The following GNAS variants were observed in gnomAD, a reference collection of about 807,000 sequenced individuals.
GNAS encodes the protein protein ALEX.
GNAS carries 8 observed loss-of-function variants against 54.5 expected under a neutral mutation model. The ratio of observed to expected loss-of-function variants is 0.15; its 90% CI spans 0.09 to 0.26. The LOEUF (loss-of-function observed/expected upper bound fraction) is 0.26, where lower values mean the gene tolerates loss of function less well. Among genes scored for constraint, GNAS ranks in the 10% least tolerant of loss-of-function variants. The probability of loss-of-function intolerance (pLI) is 1.00; values close to 1 mark genes in which losing one functional copy is unlikely to be tolerated. For missense variants in GNAS, 170 were observed against 529.8 expected (o/e 0.32, Z 6.67); for synonymous variants, 204 against 191.4 (o/e 1.07, Z -0.54).
At chr20:58,878,563 G>A (rs905301599) in intron 1 of GNAS, among the ~76,000 whole-genome samples, 1 of 152,160 alleles carries the variant, frequency 6.6e-6, no homozygotes, top group Non-Finnish European at 1.5e-5. Flanking sequence ...CAGTACTGCA[G>A]GGATAGAGAT....
In GNAS at chr20:58,911,049, CAA is replaced by C. The variant is rs1432838563; in HGVS notation, c.*223_*224del. The C allele has an allele frequency of 3.0e-6, 2 of 675,052 alleles. No homozygotes were observed. Among genetic ancestry groups the C allele is most frequent in the Non-Finnish European group, 5.4e-6 (2 of 370,130 alleles). 41.8% of individuals were successfully genotyped at this position (675,052 alleles called of 1,614,324 possible). On this transcript the variant is annotated 3_prime_UTR_variant, in exon 13 of 13. Coordinates refer to ENST00000371085, the MANE Select transcript of GNAS (RefSeq NM_000516.7). ...CCTACAGAAAAAGGAAAAAAGGCCACAAAAGTTCCCTCTCACTTTCAGTAAAA... is the reference window on the plus strand; with the variant it reads ...CCTACAGAAAAAGGAAAAAAGGCCACAAGTTCCCTCTCACTTTCAGTAAAA...
Position 58,841,226 on chromosome 20 carries a change from G to C in GNAS, c.43+340G>C, listed in dbSNP as rs1438923844. ...CTGCACACCCAAACGGCATTGGTAA[G>C]TCACTTGTTTTGCGCGCTTTTCTTC... On this transcript the variant is annotated intron_variant, in intron 1 of 12. Coordinates refer to the GNAS transcript ENST00000306090. This position sits in a 1 kb window ranked among gnomAD's most constrained non-coding sequence, Gnocchi z 5.0. 2.6e-6 allele frequency: 2 copies of C among 765,770 alleles called. No individual in the cohort carries two copies. Among genetic ancestry groups the C allele is most frequent in the Non-Finnish European group, 3.4e-6 (2 of 580,574 alleles). The allele number at this position is 765,770 out of a possible 1,614,324, so 47.4% of individuals were successfully genotyped here. A position where few individuals can be genotyped will look rare whatever the true frequency, so the allele number is the denominator to read the frequency against.
chr20:58,855,935 C>T (rs996286952), intron 1 of GNAS: 37 of 379,518 alleles, frequency 9.7e-5, no homozygotes, highest in Non-Finnish European at 1.7e-4. Flanking sequence ...CGCCATGGCC[C>T]GGGCAAAAAA....
intron 1 of GNAS, among the ~76,000 whole-genome samples, chr20:58,865,357 G>T (rs955942495): frequency 2.6e-5 from 4 of 150,956 alleles, no homozygotes; most frequent in Non-Finnish European, 5.9e-5. Flanking sequence ...GGCAGAGGTT[G>T]CAGTGAGCCA....
At chr20:58,908,865 T>C in intron 6 of GNAS, 1 of 513,912 alleles carries the variant, frequency 1.9e-6, no homozygotes, top group Non-Finnish European at 3.5e-6. Context: ...CCCACCACCG[T>C]GCTGTGCTGT....
chr20:58,904,725 G>A (rs2090927272), intron 5 of GNAS, among the ~76,000 whole-genome samples: 1 of 152,146 alleles, frequency 6.6e-6, no homozygotes, highest in Non-Finnish European at 1.5e-5. Context: ...TATATAGTTA[G>A]TATGGATAGC....
In GNAS at chr20:58,872,268, G is replaced by A. The variant is rs140363540; in HGVS notation, c.44-23344G>A. 7.6e-3 allele frequency among the ~76,000 whole-genome samples: 1,163 copies of A among 152,184 alleles called. 13 individuals carry two copies. The highest frequency in any genetic ancestry group is 0.034 in the Middle Eastern group (10 of 294). On this transcript the variant is annotated intron_variant, in intron 1 of 12. Transcript: ENST00000306090. Reference sequence around the variant, plus strand: ...ATGTAGCACACTTCATGGAGCACAAGTGTTTTCACATGCCTTATCCCACTA... The same window carrying A: ...ATGTAGCACACTTCATGGAGCACAAATGTTTTCACATGCCTTATCCCACTA...
chr20:58,849,634 C>T (rs1048975907), intron 1 of GNAS, among the ~76,000 whole-genome samples: 2 of 152,222 alleles, frequency 1.3e-5, no homozygotes, highest in African/African-American at 4.8e-5. Context: ...ACTGACTTCC[C>T]TGTCCCACTC....
intron 1 of GNAS, among the ~76,000 whole-genome samples, chr20:58,864,420 C>T (rs547784156): frequency 1.3e-5 from 2 of 152,242 alleles, no homozygotes; most frequent in South Asian, 2.1e-4. Context: ...TGTGGCTCTA[C>T]TAGGGCCTTC....
At position 58,891,669 on chromosome 20, in the gene GNAS, GCCGCCCGCGCCCGCCGCCGCCGCAGC is replaced by G. The variant is rs1337996471; in HGVS notation, c.-54_-29del. On this transcript the variant is annotated 5_prime_UTR_variant, in exon 1 of 13. Transcript: ENST00000371085. ...CCCCGGCCCTCCCGGCCCGCGTGAG[GCCGCCCGCGCCCGCCGCCGCCGCAGC>G]CCGGCCGCGCCCCGCCGCCGCCGCC... 14 of 967,282 alleles carry G rather than the reference GCCGCCCGCGCCCGCCGCCGCCGCAGC, an allele frequency of 1.4e-5. No homozygotes were observed. Among genetic ancestry groups the G allele is most frequent in the South Asian group, 4.7e-5 (1 of 21,264 alleles). 59.9% of individuals were successfully genotyped at this position (967,282 alleles called of 1,614,324 possible).
chr20:58,866,789 T>A lies in GNAS; in HGVS notation c.43+25903T>A, dbSNP rs549259180. Reference sequence around the variant, plus strand: ...AAAGGAGATTTTTTTCTTTTTTTTTTTTCCCTAGGGAGTTTCAAATTTATG... The same window carrying A: ...AAAGGAGATTTTTTTCTTTTTTTTTATTCCCTAGGGAGTTTCAAATTTATG... On this transcript the variant is annotated intron_variant, in intron 1 of 12. Transcript: ENST00000306090. 5.3e-5 allele frequency among the ~76,000 whole-genome samples: 8 copies of A among 152,146 alleles called. No individual in the cohort carries two copies. The East Asian group carries it at 1.5e-3, about 29-fold the overall frequency.
rs1307397873 is a variant in GNAS, at chr20:58,857,612, T to A, written c.43+16726T>A. Among the ~76,000 whole-genome samples the A allele has an allele frequency of 6.6e-6, 1 of 152,132 alleles. No individual in the cohort carries two copies. Among genetic ancestry groups the A allele is most frequent in the Non-Finnish European group, 1.5e-5 (1 of 68,016 alleles). ...TGAAATGAAGCTTTCCTAGCAGATC[T>A]CCACTAAGGAATGCTTTTGCACCAT... On this transcript the variant is annotated intron_variant, in intron 1 of 12. Transcript: ENST00000306090. This position sits in a 1 kb window ranked among gnomAD's most constrained non-coding sequence, Gnocchi z 4.1.
chr20:58,891,083 G>T (rs1409781507), upstream of GNAS, among the ~76,000 whole-genome samples: 2 of 148,130 alleles, frequency 1.4e-5, no homozygotes, highest in Non-Finnish European at 3.0e-5. Flanking sequence ...GCGCGGAGAC[G>T]CCCCCTCTCC....
intron 5 of GNAS, among the ~76,000 whole-genome samples, chr20:58,904,531 C>T (rs1484215347): frequency 6.6e-6 from 1 of 152,172 alleles, no homozygotes; most frequent in Non-Finnish European, 1.5e-5. Flanking sequence ...GGGAGAATGG[C>T]TTATAAGCGG....
intron 1 of GNAS, among the ~76,000 whole-genome samples, chr20:58,867,195 G>C (rs370795066): frequency 5.3e-5 from 8 of 152,168 alleles, no homozygotes; most frequent in African/African-American, 1.9e-4. Flanking sequence ...GAAGACTCAG[G>C]GCAGAACCCA....
At chr20:58,862,962 G>GAAA (rs542171703) in intron 1 of GNAS, among the ~76,000 whole-genome samples, 4 of 82,338 alleles carry the variant, frequency 4.9e-5, no homozygotes, top group African/African-American at 5.1e-5. Flanking sequence ...TATTACACAT[G>GAAA]AAAAAAAAAA....
At chr20:58,854,708 G>A in intron 1 of GNAS, 1 of 1,532,474 alleles carries the variant, frequency 6.5e-7, no homozygotes, top group Non-Finnish European at 8.7e-7. Context: ...CGGCTGCTGA[G>A]ACCCGGGCAG....
chr20:58,883,523 C>T (rs547529859), intron 1 of GNAS, among the ~76,000 whole-genome samples: 64 of 152,238 alleles, frequency 4.2e-4, no homozygotes, highest in African/African-American at 1.5e-3. Context: ...CAAACGCTTG[C>T]CGCTTGGGCT....
chr20:58,853,626 C>A lies in GNAS; in HGVS notation c.43+12740C>A. The A allele has an allele frequency of 6.2e-7, 1 of 1,613,432 alleles. No homozygotes were observed. The highest frequency in any genetic ancestry group is 1.1e-5 in the South Asian group (1 of 91,090). ...AGGCTTCTGGCCTACACTGGAGCAG[C>A]CTGGATTCCCCAGTGGGGTCCATGC... On this transcript the variant is annotated intron_variant, in intron 1 of 12. Coordinates refer to the GNAS transcript ENST00000306090. This position sits in a 1 kb window ranked among gnomAD's most constrained non-coding sequence, Gnocchi z 4.4.
Sources: gnomAD v4.1 joint callset for allele counts (sites outside exome capture counted in the v4.1 genomes callset) on GRCh38, gnomAD v4.1.1 for gene constraint, Gnocchi (gnomAD v3.1) non-coding constraint, MANE v1.5 for transcripts, NCBI Gene and HGNC (gene_info 2026-07-23, HGNC 2026-07-21) for gene names.